The following DLG2 variants were observed in gnomAD, a reference collection of about 807,000 sequenced individuals.
DLG2 encodes disks large homolog 2.
A neutral mutation model predicts 132.5 loss-of-function variants in DLG2; 45 were observed. The observed-to-expected ratio is 0.34, with a 90% CI of 0.27 to 0.44. The LOEUF is 0.44. DLG2 is among the 20% of genes least tolerant of loss of function. The probability of loss-of-function intolerance (pLI) is 1.00; values close to 1 mark genes in which losing one functional copy is unlikely to be tolerated. For synonymous variants in DLG2, 424 were observed against 419.6 expected, an observed-to-expected ratio of 1.01 and a Z score of -0.13; for missense variants, 1,045 against 1,196.9, an observed-to-expected ratio of 0.87 and a Z score of 1.87.
At chr11:85,535,936 C>A (rs899441650) in intron 3 of DLG2, among the ~76,000 whole-genome samples, 5 of 149,354 alleles carry the variant, frequency 3.3e-5, no homozygotes, top group Admixed American at 6.6e-5. Context: ...TTAAAATAGT[C>A]CAAGTGTGGT....
intron 4 of DLG2, among the ~76,000 whole-genome samples, chr11:85,207,959 T>G (rs2082011894): frequency 6.6e-6 from 1 of 151,956 alleles, no homozygotes; most frequent in Non-Finnish European, 1.5e-5. Flanking sequence ...AAGAAGCCCT[T>G]CCAGGCATTC....
intron 7 of DLG2, among the ~76,000 whole-genome samples, chr11:84,441,277 G>C (rs1384179724): frequency 6.6e-6 from 1 of 151,942 alleles, no homozygotes; most frequent in Non-Finnish European, 1.5e-5. Context: ...CTCCAGGGTA[G>C]GTAGGACAGT....
At chr11:84,768,298 C>T (rs187896594) in intron 6 of DLG2, among the ~76,000 whole-genome samples, 1 of 152,066 alleles carries the variant, frequency 6.6e-6, no homozygotes, top group African/African-American at 2.4e-5. Context: ...TGTGTTTATG[C>T]TTATTTTGAG....
In DLG2 at chr11:85,586,341, T is replaced by C. The variant is rs1053819700; in HGVS notation, c.40+12316A>G. On this transcript the variant is annotated intron_variant, in intron 3 of 27. Transcript: ENST00000376104. ...GCTGTGAGGCCATCTGGTCCTGGAC[T>C]TTTTTTTGTTGGTAACTTTTTAATT... Among the ~76,000 whole-genome samples the C allele has an allele frequency of 5.9e-5, 9 of 152,010 alleles. 1 individual carries two copies. The South Asian group carries it at 8.3e-4, about 14-fold the overall frequency.
chr11:84,489,650 T>A (rs375434193), intron 7 of DLG2, among the ~76,000 whole-genome samples: 2 of 152,134 alleles, frequency 1.3e-5, no homozygotes, highest in East Asian at 3.9e-4. Context: ...GGATCTCACA[T>A]TATATGCCTT....
At chr11:84,375,695 C>T (rs867528069) in intron 7 of DLG2, among the ~76,000 whole-genome samples, 60 of 151,796 alleles carry the variant, frequency 4.0e-4, no homozygotes, top group Middle Eastern at 6.8e-3. Context: ...ACAGTGTTAG[C>T]TGGCCATATT....
intron 4 of DLG2, among the ~76,000 whole-genome samples, chr11:85,173,974 A>C (rs1380230590): frequency 6.6e-6 from 1 of 152,192 alleles, no homozygotes; most frequent in Admixed American, 6.5e-5. Context: ...TCATGAAGAA[A>C]GTTCCTAGAG....
Position 85,344,348 on chromosome 11 carries a change from A to G in DLG2, c.41-58983T>C, listed in dbSNP as rs575186142. 3.3e-5 allele frequency among the ~76,000 whole-genome samples: 5 copies of G among 152,284 alleles called. No individual in the cohort carries two copies. In the South Asian group the frequency reaches 8.3e-4, roughly 25 times the overall value. Reference sequence around the variant, plus strand: ...CTCATAGAGATTGTCCCTAATTGCCATCTCAAAAACTCGAGGCTTAGTTTT... The same window carrying G: ...CTCATAGAGATTGTCCCTAATTGCCGTCTCAAAAACTCGAGGCTTAGTTTT... On this transcript the variant is annotated intron_variant, in intron 3 of 27. Coordinates refer to ENST00000376104, the MANE Select transcript of DLG2 (RefSeq NM_001142699.3).
In DLG2 at chr11:84,970,451, C is replaced by T. The variant is rs76931744; in HGVS notation, c.357+141210G>A. 4.3e-3 allele frequency among the ~76,000 whole-genome samples: 648 copies of T among 152,294 alleles called. 6 individuals carry two copies. Among genetic ancestry groups the T allele is most frequent in the East Asian group, 0.015 (79 of 5,182 alleles). ...TGCCATAACAAAATACCATAAACCG[C>T]GTTGCTTATAATCAACAACCATTTA... On this transcript the variant is annotated intron_variant, in intron 6 of 27. Coordinates refer to ENST00000376104, the MANE Select transcript of DLG2 (RefSeq NM_001142699.3).
intron 10 of DLG2, among the ~76,000 whole-genome samples, chr11:84,062,923 A>G (rs1039656635): frequency 1.3e-5 from 2 of 152,128 alleles, no homozygotes; most frequent in African/African-American, 4.8e-5. Flanking sequence ...TTACCAGTAG[A>G]TAAACTTTGT....
chr11:83,558,511 G>T (rs1377369835), intron 19 of DLG2, among the ~76,000 whole-genome samples: 3 of 152,082 alleles, frequency 2.0e-5, no homozygotes, highest in Non-Finnish European at 2.9e-5. Context: ...TTGGTTAACC[G>T]CTACAGTAGG....
At chr11:84,326,811 G>C (rs1257616878) in intron 7 of DLG2, among the ~76,000 whole-genome samples, 1 of 152,094 alleles carries the variant, frequency 6.6e-6, no homozygotes, top group Non-Finnish European at 1.5e-5. Context: ...ATTGAAAGAA[G>C]AGTATTACAA....
At chr11:85,371,282 C>T (rs972500232) in intron 3 of DLG2, among the ~76,000 whole-genome samples, 8 of 151,740 alleles carry the variant, frequency 5.3e-5, no homozygotes, top group East Asian at 3.9e-4. Context: ...TTTTGACTTT[C>T]GCTTGGAATA....
At chr11:85,177,696 T>C (rs969194540) in intron 4 of DLG2, among the ~76,000 whole-genome samples, 1 of 152,034 alleles carries the variant, frequency 6.6e-6, no homozygotes, top group Non-Finnish European at 1.5e-5. Context: ...AAAGAAATAG[T>C]GTCTCTTATG....
intron 16 of DLG2, among the ~76,000 whole-genome samples, chr11:83,843,534 C>G (rs2058034815): frequency 6.6e-6 from 1 of 152,058 alleles, no homozygotes; most frequent in South Asian, 2.1e-4. Flanking sequence ...ACTTTTAGGT[C>G]CTTGTTTTGT....
rs182405261 is a variant in DLG2 at position 85,586,303 on chromosome 11, C to T, written c.40+12354G>A. Reference sequence around the variant, plus strand: ...GGACTGGTACCAATTCTTTGAATGTCTGATAGAATTCAGCTGTGAGGCCAT... The same window carrying T: ...GGACTGGTACCAATTCTTTGAATGTTTGATAGAATTCAGCTGTGAGGCCAT... On this transcript the variant is annotated intron_variant, in intron 3 of 27. Transcript: ENST00000376104. Among the ~76,000 whole-genome samples the T allele has an allele frequency of 8.1e-4, 123 of 152,244 alleles. 1 individual carries two copies. The highest frequency in any genetic ancestry group is 1.5e-3 in the Admixed American group (23 of 15,298).
At chr11:85,297,709 G>C (rs914287315) in intron 3 of DLG2, among the ~76,000 whole-genome samples, 2 of 152,082 alleles carry the variant, frequency 1.3e-5, no homozygotes, top group African/African-American at 4.8e-5. Flanking sequence ...GGTCTACTCT[G>C]GTGGTGAAGG....
At chr11:83,688,256 T>C (rs569077010) in intron 18 of DLG2, among the ~76,000 whole-genome samples, 2 of 152,338 alleles carry the variant, frequency 1.3e-5, no homozygotes, top group African/African-American at 4.8e-5. Context: ...CTTTTTAGTA[T>C]AGATTTCCTA....
intron 6 of DLG2, among the ~76,000 whole-genome samples, chr11:84,972,485 T>C (rs2054241885): frequency 6.6e-6 from 1 of 152,238 alleles, no homozygotes; most frequent in African/African-American, 2.4e-5. Context: ...CTTTGCTTTG[T>C]GGTAATTTAT....
Sources: gnomAD v4.1 joint callset for allele counts (sites outside exome capture counted in the v4.1 genomes callset) on GRCh38, gnomAD v4.1.1 for gene constraint, MANE v1.5 for transcripts, NCBI Gene and HGNC (gene_info 2026-07-23, HGNC 2026-07-21) for gene names.